FMN1: variants seen among roughly 807,000 people sequenced by gnomAD.
FMN1 encodes the protein formin-1.
Under a neutral mutation model 132.4 loss-of-function variants are expected in FMN1, and 110 were observed. The ratio of observed to expected loss-of-function variants is 0.83; its 90% CI spans 0.71 to 0.97. The LOEUF (loss-of-function observed/expected upper bound fraction) is 0.97. FMN1 is among the 50% of genes least tolerant of loss of function. FMN1 has a pLI of 0.00. For missense variants in FMN1, 1,792 were observed against 1,705.3 expected (o/e 1.05, Z -0.90); for synonymous variants, 722 against 651.7 (o/e 1.11, Z -1.64).
intron 6 of FMN1, among the ~76,000 whole-genome samples, chr15:33,061,876 T>G (rs1282417981): frequency 6.6e-6 from 1 of 152,064 alleles, no homozygotes; most frequent in Non-Finnish European, 1.5e-5. Flanking sequence ...ATTTTTCATA[T>G]GAAATGGAGT....
intron 3 of FMN1, among the ~76,000 whole-genome samples, chr15:33,172,505 G>T (rs1965368635): frequency 6.6e-6 from 1 of 152,326 alleles, no homozygotes; most frequent in East Asian, 1.9e-4. Context: ...GCACAGGGAG[G>T]AGCAACTTAA....
rs1323354257 is a variant in FMN1, at chr15:33,088,892, C to T, written c.1950G>A (p.Trp650Ter). The T allele has an allele frequency of 1.3e-5, 20 of 1,535,782 alleles. No individual in the cohort carries two copies. Among genetic ancestry groups the T allele is most frequent in the Admixed American group, 2.0e-5 (1 of 50,950 alleles). ...CTGGTCCCGCTCTGTAGCCCAGAACCCACGCGCCTCCATCTCTGTTGGGAA... is the reference window on the plus strand; with the variant it reads ...CTGGTCCCGCTCTGTAGCCCAGAACTCACGCGCCTCCATCTCTGTTGGGAA... ...KDLPNRDGGA[W>*]VLGYRAGPAC... The change falls in exon 5 of 21, where the codon TGG becomes TGA. Residue 650 changes from tryptophan to a stop codon, truncating the protein, a stop_gained. Coordinates refer to ENST00000616417, the MANE Select transcript of FMN1 (RefSeq NM_001277313.2). LOFTEE classifies it high-confidence loss of function.
At chr15:33,030,019 G>A (rs1042305155) in intron 6 of FMN1, among the ~76,000 whole-genome samples, 6 of 152,292 alleles carry the variant, frequency 3.9e-5, no homozygotes, top group South Asian at 2.1e-4. Flanking sequence ...ATAGCTGGGC[G>A]TGGTGGCGGG....
At position 33,075,020 on chromosome 15, in the gene FMN1, CAAAAAAAAAAAAAAA is replaced by C. The variant is rs57504432; in HGVS notation, c.2044-9961_2044-9947del. Among the ~76,000 whole-genome samples the C allele has an allele frequency of 6.8e-4, 42 of 61,692 alleles. 1 individual carries two copies. In the East Asian group the frequency reaches 0.013, roughly 18 times the overall value. 40.5% of individuals were successfully genotyped at this position (61,692 alleles called of 152,430 possible). A position where few individuals can be genotyped will look rare whatever the true frequency, so the allele number is the denominator to read the frequency against. Reference sequence around the variant, plus strand: ...TGGGCAACTGAGCAAGATTCCATCTCAAAAAAAAAAAAAAAAAAAAAAAAAAAGAACAGACCTTGA... The same window carrying C: ...TGGGCAACTGAGCAAGATTCCATCTCAAAAAAAAAAAAGAACAGACCTTGA... On this transcript the variant is annotated intron_variant, in intron 5 of 20. Transcript: ENST00000616417.
chr15:33,118,015 G>A (rs1417946658), intron 4 of FMN1, among the ~76,000 whole-genome samples: 2 of 152,164 alleles, frequency 1.3e-5, no homozygotes, highest in Admixed American at 6.6e-5. Flanking sequence ...TCAAAATAAT[G>A]ATATAGTGTG....
chr15:33,012,407 C>T, intron 6 of FMN1: 1 of 912,940 alleles, frequency 1.1e-6, no homozygotes, highest in Admixed American at 1.7e-5. Flanking sequence ...TCTCAAAGAC[C>T]AGGTGCCCAC....
intron 6 of FMN1, chr15:33,012,503 A>G: frequency 7.0e-7 from 1 of 1,438,654 alleles, no homozygotes; most frequent in South Asian, 1.1e-5. Flanking sequence ...CAGTATGGAA[A>G]AATGGAAGTG....
At chr15:33,063,776 A>G (rs2037592288) in intron 6 of FMN1, 1 of 152,236 alleles carries the variant, frequency 6.6e-6, no homozygotes, top group Admixed American at 6.5e-5. Flanking sequence ...TACCTAGAAC[A>G]TCCTTATGCT....
At chr15:32,835,516 T>C (rs1032768376) in intron 17 of FMN1, among the ~76,000 whole-genome samples, 8 of 152,140 alleles carry the variant, frequency 5.3e-5, no homozygotes, top group African/African-American at 1.9e-4. Flanking sequence ...ACTTTTTTGG[T>C]GTGTGTTCTA....
At chr15:33,100,414 T>C (rs2141411781) in intron 4 of FMN1, among the ~76,000 whole-genome samples, 1 of 152,254 alleles carries the variant, frequency 6.6e-6, no homozygotes, top group South Asian at 2.1e-4. Flanking sequence ...GAAAAGATAT[T>C]TGGCAATATC....
chr15:32,895,918 T>C (rs139440236), intron 15 of FMN1, among the ~76,000 whole-genome samples: 445 of 152,260 alleles, frequency 2.9e-3, no homozygotes, highest in African/African-American at 9.9e-3. Flanking sequence ...TCACCTTTTA[T>C]GGTTTGTGTC....
At chr15:32,827,846 G>GAA (rs1049599419) in intron 17 of FMN1, among the ~76,000 whole-genome samples, 1 of 121,244 alleles carries the variant, frequency 8.2e-6, no homozygotes, top group Non-Finnish European at 1.8e-5. Flanking sequence ...TCCGTCTCAA[G>GAA]AAAAAAAAAA....
intron 7 of FMN1, among the ~76,000 whole-genome samples, chr15:33,003,992 C>A (rs138832341): frequency 6.6e-6 from 1 of 151,156 alleles, no homozygotes; most frequent in African/African-American, 2.4e-5. Context: ...GCTAGCCATA[C>A]GTACAAAGCT....
chr15:33,185,253 T>C (rs1965840326), intron 2 of FMN1, among the ~76,000 whole-genome samples: 2 of 152,186 alleles, frequency 1.3e-5, no homozygotes, highest in African/African-American at 4.8e-5. Flanking sequence ...GAGCCACCTG[T>C]TTAGGTGCCA....
At chr15:33,109,948 C>A (rs896834766) in intron 4 of FMN1, among the ~76,000 whole-genome samples, 3 of 151,922 alleles carry the variant, frequency 2.0e-5, no homozygotes, top group African/African-American at 7.2e-5. Context: ...TAAGTTAGCA[C>A]CAGCACTTCA....
intron 9 of FMN1, among the ~76,000 whole-genome samples, chr15:32,957,841 C>T (rs1047055886): frequency 4.6e-5 from 7 of 151,850 alleles, no homozygotes; most frequent in East Asian, 1.9e-4. Context: ...CTGAATGTTA[C>T]GAAAGAAAAA....
In FMN1 at chr15:32,861,901, C is replaced by T. The variant is rs1397242365; in HGVS notation, c.3836-4794G>A. On this transcript the variant is annotated intron_variant, in intron 16 of 20. Coordinates refer to ENST00000616417, the MANE Select transcript of FMN1 (RefSeq NM_001277313.2). ...AGCTTCGCGGTTTTGAAATTAGAAA[C>T]TGAAACCAGTACAAACGAGAGCAGC... Among the ~76,000 whole-genome samples the T allele has an allele frequency of 2.0e-5, 3 of 152,286 alleles. No individual in the cohort carries two copies. In the East Asian group the frequency reaches 5.8e-4, roughly 29 times the overall value.
chr15:32,982,943 T>C (rs939697503), intron 7 of FMN1, among the ~76,000 whole-genome samples: 1 of 152,178 alleles, frequency 6.6e-6, no homozygotes, highest in Non-Finnish European at 1.5e-5. Flanking sequence ...TCCATCATCA[T>C]GTAAGCCAAT....
In FMN1 at chr15:32,965,417, T is replaced by A. The variant is rs368897809; in HGVS notation, c.2988-1160A>T. ...TCCATCTCAAAAATAATAATAATAA[T>A]AAATACTATCAATGCCCACAAATTT... is the stretch of plus-strand genomic sequence containing the variant. On this transcript the variant is annotated intron_variant, in intron 8 of 20. Coordinates refer to ENST00000616417, the MANE Select transcript of FMN1 (RefSeq NM_001277313.2). Among the ~76,000 whole-genome samples the A allele has an allele frequency of 5.9e-4, 90 of 152,146 alleles. 1 individual carries two copies. In the East Asian group the frequency reaches 0.015, roughly 25 times the overall value.
Sources: allele counts gnomAD v4.1 joint callset (sites outside exome capture counted in the v4.1 genomes callset), GRCh38; gene constraint gnomAD v4.1.1; transcripts MANE v1.5; gene names NCBI Gene and HGNC (gene_info 2026-07-23, HGNC 2026-07-21).